POLR1E: variants seen among roughly 807,000 people sequenced by gnomAD.
POLR1E encodes the protein RNA polymerase I subunit E.
Under a neutral mutation model 50.9 loss-of-function variants are expected in POLR1E, and 37 were observed. The observed-to-expected ratio is 0.73, with a 90% CI of 0.56 to 0.96. The LOEUF (loss-of-function observed/expected upper bound fraction) is 0.96. Ranked by LOEUF, POLR1E falls within the 40% of genes least tolerant of loss-of-function variation. POLR1E has a pLI of 0.00. For missense variants in POLR1E, 426 were observed against 518.1 expected (o/e 0.82, Z 1.73); for synonymous variants, 166 against 191.6 (o/e 0.87, Z 1.10).
intron 6 of POLR1E, among the ~76,000 whole-genome samples, chr9:37,494,574 A>G (rs1216932449): frequency 1.3e-5 from 2 of 152,094 alleles, no homozygotes; most frequent in African/African-American, 4.8e-5. Context: ...AGTGGCTGGG[A>G]TCACAGATGT....
In POLR1E at chr9:37,495,180, G is replaced by A. The variant is rs750272938; in HGVS notation, c.559G>A (p.Asp187Asn). The A allele has an allele frequency of 3.7e-6, 6 of 1,613,552 alleles. No individual in the cohort carries two copies. The highest frequency in any genetic ancestry group is 2.2e-5 in the East Asian group (1 of 44,890). Residue 187 changes from aspartate to asparagine, a missense_variant, in exon 7 of 12, where the codon GAT (aspartate) becomes AAT (asparagine). Asp to Asn is a conservative substitution (Grantham distance 23). Transcript: ENST00000377798. ...TCTTTATTGAAAAGCTCTGGTCAGC[G>A]ATGCTATCCACAATGACTTGCAAGA... is the stretch of plus-strand genomic sequence containing the variant. ...DTKGVTALVS[D>N]AIHNDLQDDS...
At chr9:37,486,605 G>A in intron 1 of POLR1E, 98 bp from the exon 2 acceptor site, 1 of 1,613,792 alleles carries the variant, frequency 6.2e-7, no homozygotes. Context: ...TCCCCATTCT[G>A]ACACTCCCTC....
rs143620552 is a variant in POLR1E at position 37,495,258 on chromosome 9, G to A, written c.637G>A (p.Val213Met). ...CYDDAAKPED[V>M]YKFEDLLSPA... Reference sequence around the variant, plus strand: ...TGATGATGCAGCCAAGCCTGAAGACGTGTATAAATTTGAAGATCGTATCCT... The same window carrying A: ...TGATGATGCAGCCAAGCCTGAAGACATGTATAAATTTGAAGATCGTATCCT... The change falls in exon 7 of 12, where the codon GTG becomes ATG. Residue 213 changes from valine (V) to methionine (M), a missense_variant. Coordinates refer to ENST00000377798, the MANE Select transcript of POLR1E (RefSeq NM_022490.4). 184 of 1,613,672 alleles carry A rather than the reference G, an allele frequency of 1.1e-4. No homozygotes were observed. The highest frequency in any genetic ancestry group is 6.5e-4 in the East Asian group (29 of 44,884).
At chr9:37,487,995 C>A in intron 3 of POLR1E, 56 bp downstream of exon 3, 1 of 1,532,700 alleles carries the variant, frequency 6.5e-7, no homozygotes, top group Non-Finnish European at 9.0e-7. Flanking sequence ...GTGGTGGCAG[C>A]ACTGGCACTG....
intron 4 of POLR1E, chr9:37,490,632 A>C: frequency 4.1e-6 from 3 of 725,586 alleles, no homozygotes; most frequent in Non-Finnish European, 7.4e-6. Context: ...CTCAATACGC[A>C]CACTAATTCT....
chr9:37,501,638 T>G, intron 10 of POLR1E, 75 bp from the exon 11 acceptor site: 4 of 1,517,198 alleles, frequency 2.6e-6, no homozygotes, highest in South Asian at 1.2e-5. Context: ...TAGGATTGGA[T>G]GTTCTTATTT....
Position 37,497,966 on chromosome 9 carries a change from G to A in POLR1E, c.753-125G>A, listed in dbSNP as rs917366021. 4.4e-6 allele frequency: 5 copies of A among 1,132,594 alleles called. No individual in the cohort carries two copies. In the South Asian group the frequency reaches 7.9e-5, roughly 18 times the overall value. 70.2% of individuals were successfully genotyped at this position (1,132,594 alleles called of 1,614,324 possible). A position where few individuals can be genotyped will look rare whatever the true frequency, so the allele number is the denominator to read the frequency against. ...ATGGGGTCTTGCCTTGTTGCCCAGGGTTTCATCAGCTGTTGAGTGCGTCGG... is the reference window on the plus strand; with the variant it reads ...ATGGGGTCTTGCCTTGTTGCCCAGGATTTCATCAGCTGTTGAGTGCGTCGG... On this transcript the variant is annotated intron_variant, in intron 8 of 11. Transcript: ENST00000377798.
chr9:37,495,097 C>T (rs1820760768), intron 6 of POLR1E, 72 bp from the exon 7 acceptor site: 8 of 1,300,778 alleles, frequency 6.2e-6, no homozygotes, highest in Non-Finnish European at 8.9e-6. Flanking sequence ...GTCTGAAGTG[C>T]ACAGACTGAA....
rs1820878670 is a variant in POLR1E, at chr9:37,501,009, A to C, written c.968+88A>C. ...GGAGCAGGGGCTTGGACTCAATTCC[A>C]TGTCCACGGAGATGCAGTGCTGAAA... On this transcript the variant is annotated intron_variant, in intron 10 of 11. Transcript: ENST00000377798. The C allele has an allele frequency of 2.3e-6, 3 of 1,283,878 alleles. No individual in the cohort carries two copies. In the Admixed American group the frequency reaches 5.9e-5, roughly 25 times the overall value. 79.5% of individuals were successfully genotyped at this position (1,283,878 alleles called of 1,614,324 possible). A position where few individuals can be genotyped will look rare whatever the true frequency, so the allele number is the denominator to read the frequency against.
At chr9:37,493,445 A>G (rs1363995194) in intron 5 of POLR1E, 114 bp from the exon 6 acceptor site, 1 of 902,018 alleles carries the variant, frequency 1.1e-6, no homozygotes, top group Non-Finnish European at 1.6e-6. Flanking sequence ...AGCCTTATTC[A>G]CAGGTGAGGT....
At position 37,501,697 on chromosome 9, in the gene POLR1E, G is replaced by T. The variant is rs372951386; in HGVS notation, c.969-16G>T. 3 of 1,601,914 alleles carry T rather than the reference G, an allele frequency of 1.9e-6. No homozygotes were observed. In the African/African-American group the frequency reaches 4.0e-5, roughly 22 times the overall value. ...AGTTTAATTTTGTTTCTCCTTTATT[G>T]CCACTGATTTTCTAGATTACGGAAC... is the stretch of plus-strand genomic sequence containing the variant. On this transcript the variant is annotated splice_polypyrimidine_tract_variant and intron_variant, in intron 10 of 11. Transcript: ENST00000377798.
At chr9:37,486,252 T>C in intron 1 of POLR1E, 129 bp downstream of exon 1, 1 of 1,296,722 alleles carries the variant, frequency 7.7e-7, no homozygotes, top group South Asian at 1.5e-5. Context: ...TCTCCACCAC[T>C]CCCCTGGGCT....
In POLR1E at chr9:37,503,141, C is replaced by A. The variant is rs1169173627; in HGVS notation, c.1199C>A (p.Ser400Tyr). The A allele has an allele frequency of 2.5e-6, 4 of 1,613,732 alleles. No individual in the cohort carries two copies. The Admixed American group carries it at 6.7e-5, about 27-fold the overall frequency. ...SEEDHKLGTL[S>Y]LPLPPAQTSD... ...GAAGATCACAAGCTGGGCACCCTGT[C>A]CCTCCCGCTGCCTCCAGCCCAGACC... The change falls in exon 12 of 12, where the codon TCC becomes TAC. Residue 400 changes from serine (S) to tyrosine (Y), a missense_variant. Ser to Tyr is a moderately radical substitution (Grantham distance 144, BLOSUM62 -2). Coordinates refer to ENST00000377798, the MANE Select transcript of POLR1E (RefSeq NM_022490.4).
chr9:37,495,791 G>C, intron 7 of POLR1E, 99 bp from the exon 8 acceptor site: 1 of 844,746 alleles, frequency 1.2e-6, no homozygotes, highest in Non-Finnish European at 2.0e-6. Context: ...TTGGCTCTCT[G>C]AGCCTGTTTC....
At chr9:37,495,392 C>A in intron 7 of POLR1E, 116 bp downstream of exon 7, 1 of 889,554 alleles carries the variant, frequency 1.1e-6, no homozygotes, top group East Asian at 2.5e-5. Context: ...AGAGCTCCAT[C>A]CAAACCTTTG....
At chr9:37,491,576 GC>G (rs1820686497) in intron 4 of POLR1E, among the ~76,000 whole-genome samples, 1 of 151,614 alleles carries the variant, frequency 6.6e-6, no homozygotes, top group East Asian at 1.9e-4. Context: ...CGATTTTCCT[GC>G]CTCAGCCTCT....
chr9:37,501,906 C>A, intron 11 of POLR1E, 62 bp downstream of exon 11: 1 of 1,540,388 alleles, frequency 6.5e-7, no homozygotes, highest in Non-Finnish European at 8.8e-7. Context: ...TCTGGTACCA[C>A]TGGAAAGCAT....
In POLR1E at chr9:37,485,960, G is replaced by T. The variant is rs1426939805; in HGVS notation, c.-88G>T. 6.6e-7 allele frequency: 1 copy of T among 1,508,590 alleles called. No homozygotes were observed. Among genetic ancestry groups the T allele is most frequent in the African/African-American group, 1.4e-5 (1 of 71,926 alleles). 93.5% of individuals were successfully genotyped at this position (1,508,590 alleles called of 1,614,324 possible). A position where few individuals can be genotyped will look rare whatever the true frequency, so the allele number is the denominator to read the frequency against. On this transcript the variant is annotated 5_prime_UTR_variant, in exon 1 of 12. Coordinates refer to ENST00000377798, the MANE Select transcript of POLR1E (RefSeq NM_022490.4). Reference sequence around the variant, plus strand: ...GGCGGGGCCACGCCTTTTCCGGCCCGCAGCGCGGCCTGGGCTCCCGCGTGT... The same window carrying T: ...GGCGGGGCCACGCCTTTTCCGGCCCTCAGCGCGGCCTGGGCTCCCGCGTGT...
Position 37,499,932 on chromosome 9 carries a change from C to A in POLR1E, c.887-908C>A, listed in dbSNP as rs1820850523. Among the ~76,000 whole-genome samples, 5 of 151,584 alleles carry A rather than the reference C, an allele frequency of 3.3e-5. No individual in the cohort carries two copies. In the South Asian group the frequency reaches 1.0e-3, roughly 32 times the overall value. Reference sequence around the variant, plus strand: ...GTGGCTCGATCTCGGCTCCCTGCAACCTCCACCTACTGGGTTCAAGGGATT... The same window carrying A: ...GTGGCTCGATCTCGGCTCCCTGCAAACTCCACCTACTGGGTTCAAGGGATT... On this transcript the variant is annotated intron_variant, in intron 9 of 11. Coordinates refer to ENST00000377798, the MANE Select transcript of POLR1E (RefSeq NM_022490.4).
Sources: gnomAD v4.1 joint callset for allele counts (sites outside exome capture counted in the v4.1 genomes callset) on GRCh38, gnomAD v4.1.1 for gene constraint, MANE v1.5 for transcripts, NCBI Gene and HGNC (gene_info 2026-07-23, HGNC 2026-07-21) for gene names.